MAK: variants seen among roughly 807,000 people sequenced by gnomAD.
MAK encodes serine/threonine-protein kinase MAK.
MAK carries 65 observed loss-of-function variants against 82.6 expected under a neutral mutation model. The observed-to-expected ratio is 0.79, with a 90% CI of 0.64 to 0.97. The LOEUF is 0.97. Among genes scored for constraint, MAK ranks in the 50% least tolerant of loss-of-function variants. The pLI is 0.00. For missense variants in MAK, 703 were observed against 780.2 expected, an observed-to-expected ratio of 0.90 and a Z score of 1.18; for synonymous variants, 250 against 274.2, an observed-to-expected ratio of 0.91 and a Z score of 0.87.
intron 8 of MAK, among the ~76,000 whole-genome samples, chr6:10,798,260 A>G (rs1042691873): frequency 6.6e-6 from 1 of 151,748 alleles, no homozygotes; most frequent in East Asian, 1.9e-4. Flanking sequence ...GATTACAGGC[A>G]CACGCCACCA....
At chr6:10,771,502 CAGGA>C (rs545277599) in intron 13 of MAK, among the ~76,000 whole-genome samples, 2 of 152,260 alleles carry the variant, frequency 1.3e-5, no homozygotes, top group African/African-American at 4.8e-5. Flanking sequence ...GCTAGCTCTG[CAGGA>C]AGGGAGACAG....
At chr6:10,781,845 C>T (rs1272281440) in intron 11 of MAK, among the ~76,000 whole-genome samples, 1 of 152,030 alleles carries the variant, frequency 6.6e-6, no homozygotes, top group East Asian at 1.9e-4. Context: ...CAGGTTTTTT[C>T]AGGCCCACTT....
chr6:10,797,870 A>G (rs1775686917), intron 8 of MAK: 2 of 1,284,944 alleles, frequency 1.6e-6, no homozygotes, highest in Admixed American at 2.4e-5. Context: ...ACTAAAAAGC[A>G]GGGCTGTGAA....
Position 10,813,713 on chromosome 6 carries a change from A to G in MAK, c.289T>C (p.Phe97Leu). The change falls in exon 5 of 15, where the codon TTC becomes CTC. Residue 97 changes from phenylalanine (F) to leucine (L), a missense_variant. Coordinates refer to ENST00000354489, the MANE Select transcript of MAK (RefSeq NM_001242957.3). Reference sequence around the variant, plus strand: ...ATATTTCTGATGACTGATTCAGGGAACAACTTGTTTCTGTAAAGAAATGAA... The same window carrying G: ...ATATTTCTGATGACTGATTCAGGGAGCAACTTGTTTCTGTAAAGAAATGAA... ...YQLMKDRNKL[F>L]PESVIRNIMY... 1 of 1,590,638 alleles carries G rather than the reference A, an allele frequency of 6.3e-7. No individual in the cohort carries two copies. Among genetic ancestry groups the G allele is most frequent in the Non-Finnish European group, 8.6e-7 (1 of 1,158,886 alleles).
intron 2 of MAK, among the ~76,000 whole-genome samples, chr6:10,825,923 C>G (rs762031128): frequency 7.9e-5 from 12 of 152,224 alleles, no homozygotes; most frequent in Non-Finnish European, 1.8e-4. Context: ...GACCTTCTAA[C>G]TGGCCACCTG....
chr6:10,825,301 A>G (rs1200864385), intron 2 of MAK, among the ~76,000 whole-genome samples: 1 of 151,976 alleles, frequency 6.6e-6, no homozygotes, highest in Non-Finnish European at 1.5e-5. Context: ...GAATCATCAC[A>G]CTCCAGACTT....
chr6:10,810,097 CAAAA>C (rs1289360594), intron 5 of MAK, among the ~76,000 whole-genome samples: 1 of 36,054 alleles, frequency 2.8e-5, no homozygotes. Context: ...GACACTGTCT[CAAAA>C]AAAAAAAAAA....
At chr6:10,833,913 A>C (rs1372901754) in intron 1 of MAK, among the ~76,000 whole-genome samples, 1 of 152,192 alleles carries the variant, frequency 6.6e-6, no homozygotes, top group Non-Finnish European at 1.5e-5. Flanking sequence ...GATTCCAAAT[A>C]TTAAGGTGTT....
chr6:10,806,830 C>G (rs1321519963), intron 6 of MAK, among the ~76,000 whole-genome samples: 2 of 151,814 alleles, frequency 1.3e-5, no homozygotes, highest in Admixed American at 1.3e-4. Flanking sequence ...CATAAAAACC[C>G]ACATCAGAAG....
chr6:10,788,284 G>C (rs2127538202), intron 10 of MAK, among the ~76,000 whole-genome samples: 1 of 151,944 alleles, frequency 6.6e-6, no homozygotes, highest in South Asian at 2.1e-4. Flanking sequence ...AAGCCACCAT[G>C]AACAGCCACA....
At chr6:10,804,403 C>T (rs965640746) in intron 6 of MAK, among the ~76,000 whole-genome samples, 2 of 152,078 alleles carry the variant, frequency 1.3e-5, no homozygotes, top group Non-Finnish European at 2.9e-5. Context: ...AGTGCAATGG[C>T]GCGGTCCCGG....
At chr6:10,777,857 C>G (rs569263780) in intron 11 of MAK, among the ~76,000 whole-genome samples, 144 of 152,256 alleles carry the variant, frequency 9.5e-4, no homozygotes, top group Non-Finnish European at 1.5e-3. Flanking sequence ...AGGCTAGTCT[C>G]GGACTCCCAA....
intron 1 of MAK, among the ~76,000 whole-genome samples, chr6:10,833,606 A>AAATAATAATAAT (rs36209814): frequency 0.018 from 2,698 of 147,780 alleles, 33 homozygotes; most frequent in Non-Finnish European, 0.029. Flanking sequence ...CTCTGTCTCA[A>AAATAATAATAAT]AATAATAATA....
intron 10 of MAK, among the ~76,000 whole-genome samples, chr6:10,786,370 G>C (rs997834666): frequency 1.1e-4 from 17 of 152,038 alleles, no homozygotes; most frequent in Non-Finnish European, 1.5e-5. Context: ...GGGATGGCAG[G>C]GTCTGTTCAA....
Position 10,830,642 on chromosome 6 carries a change from G to T in MAK, c.7C>A (p.Arg3=), listed in dbSNP as rs558628181. The change falls in exon 2 of 15, where the codon CGA becomes AGA. Residue 3 remains arginine (R), a synonymous_variant. Coordinates refer to ENST00000354489, the MANE Select transcript of MAK (RefSeq NM_001242957.3). MN[R]YTTMRQLGDG... ...CCCAACTGTCTCATGGTTGTGTATC[G>T]GTTCATCTTGGAAAAATAATGCAGC... is the stretch of plus-strand genomic sequence containing the variant. 2 of 1,612,376 alleles carry T rather than the reference G, an allele frequency of 1.2e-6. No homozygotes were observed. The highest frequency in any genetic ancestry group is 3.3e-5 in the Admixed American group (2 of 60,006).
chr6:10,820,135 A>G (rs1777823359), intron 2 of MAK, among the ~76,000 whole-genome samples: 1 of 152,058 alleles, frequency 6.6e-6, no homozygotes, highest in South Asian at 2.1e-4. Context: ...TAAAAAAAAC[A>G]GGATTCATAT....
rs190565220 is a variant in MAK, at chr6:10,785,057, T to C, written c.1317-485A>G. 423 of 429,560 alleles carry C rather than the reference T, an allele frequency of 9.8e-4. 1 individual carries two copies. Among genetic ancestry groups the C allele is most frequent in the African/African-American group, 8.1e-3 (401 of 49,478 alleles). The allele number at this position is 429,560 out of a possible 1,614,324, so 26.6% of individuals were successfully genotyped here. A position where few individuals can be genotyped will look rare whatever the true frequency, so the allele number is the denominator to read the frequency against. ...TCACCCTAGTGTCAGGCACAGAAAA[T>C]AGGTATTTGTGGAGACATGCCTGTG... is the stretch of plus-strand genomic sequence containing the variant. On this transcript the variant is annotated intron_variant, in intron 10 of 14. Transcript: ENST00000354489.
chr6:10,767,636 T>A lies in MAK; in HGVS notation c.1792+2475A>T, dbSNP rs905502663. Reference sequence around the variant, plus strand: ...CTGCCCCATCTCTACTAAAAATACATAAATTAGCTGGGCGTGGTGGCACGC... The same window carrying A: ...CTGCCCCATCTCTACTAAAAATACAAAAATTAGCTGGGCGTGGTGGCACGC... On this transcript the variant is annotated intron_variant, in intron 14 of 14. Coordinates refer to ENST00000354489, the MANE Select transcript of MAK (RefSeq NM_001242957.3). 4.0e-5 allele frequency among the ~76,000 whole-genome samples: 6 copies of A among 151,498 alleles called. 1 individual carries two copies. The highest frequency in any genetic ancestry group is 2.6e-4 in the Admixed American group (4 of 15,180).
At chr6:10,814,319 A>C (rs1186931669) in intron 4 of MAK, among the ~76,000 whole-genome samples, 1 of 152,098 alleles carries the variant, frequency 6.6e-6, no homozygotes, top group African/African-American at 2.4e-5. Context: ...AAGTTGAAAA[A>C]CTGAATTACT....
Sources: gnomAD v4.1 joint callset for allele counts (sites outside exome capture counted in the v4.1 genomes callset) on GRCh38, gnomAD v4.1.1 for gene constraint, MANE v1.5 for transcripts, NCBI Gene and HGNC (gene_info 2026-07-23, HGNC 2026-07-21) for gene names.